ALK: variants seen among roughly 807,000 people sequenced by gnomAD.
The protein encoded by ALK is ALK tyrosine kinase receptor.
ALK carries 74 observed loss-of-function variants against 163.1 expected under a neutral mutation model. The observed-to-expected ratio is 0.45, with a 90% CI of 0.38 to 0.55. ALK has a LOEUF of 0.55. ALK is among the 20% of genes least tolerant of loss of function. The pLI is 0.00. For synonymous variants in ALK, 960 were observed against 843.2 expected (o/e 1.14, Z -2.40); for missense variants, 2,063 against 2,105.3 (o/e 0.98, Z 0.39).
At chr2:29,263,269 T>G (rs1399815006) in intron 11 of ALK, among the ~76,000 whole-genome samples, 2 of 152,208 alleles carry the variant, frequency 1.3e-5, no homozygotes, top group South Asian at 2.1e-4. Flanking sequence ...GGCCTCCTGT[T>G]GTAAGGTTCA....
chr2:29,873,759 T>C (rs1666634509), intron 1 of ALK, among the ~76,000 whole-genome samples: 1 of 150,626 alleles, frequency 6.6e-6, no homozygotes, highest in African/African-American at 2.4e-5. Context: ...CCTTCCTGAG[T>C]TCCTCTGATA....
At chr2:29,462,318 T>A (rs1671103408) in intron 4 of ALK, among the ~76,000 whole-genome samples, 2 of 152,316 alleles carry the variant, frequency 1.3e-5, no homozygotes, top group Non-Finnish European at 2.9e-5. Context: ...AGTTCTACTG[T>A]GGGTAAAACG....
At chr2:29,399,440 C>T (rs1366092100) in intron 4 of ALK, among the ~76,000 whole-genome samples, 3 of 152,214 alleles carry the variant, frequency 2.0e-5, no homozygotes, top group South Asian at 2.1e-4. Flanking sequence ...CTGATTCTTA[C>T]AGCCACCCTG....
intron 1 of ALK, among the ~76,000 whole-genome samples, chr2:29,913,105 CTGT>C (rs1056094567): frequency 6.6e-6 from 1 of 151,948 alleles, no homozygotes; most frequent in African/African-American, 2.4e-5. Context: ...CTGCATGCAC[CTGT>C]TGTTAGTCAG....
intron 3 of ALK, among the ~76,000 whole-genome samples, chr2:29,589,562 C>T (rs890987264): frequency 6.6e-6 from 1 of 152,096 alleles, no homozygotes; most frequent in East Asian, 1.9e-4. Context: ...TTTTGGGTCC[C>T]AAAATTTGCA....
intron 3 of ALK, among the ~76,000 whole-genome samples, chr2:29,679,132 T>C (rs1677984362): frequency 6.6e-6 from 1 of 151,906 alleles, no homozygotes; most frequent in Non-Finnish European, 1.5e-5. Context: ...TACTGTTTAG[T>C]ATATTTTTGT....
At chr2:29,620,569 C>T (rs562078295) in intron 3 of ALK, among the ~76,000 whole-genome samples, 1 of 152,070 alleles carries the variant, frequency 6.6e-6, no homozygotes, top group African/African-American at 2.4e-5. Context: ...GAGTCGGGGC[C>T]CTGGATTCTA....
At chr2:29,758,972 CT>C (rs768628159) in intron 1 of ALK, among the ~76,000 whole-genome samples, 15 of 151,532 alleles carry the variant, frequency 9.9e-5, no homozygotes, top group East Asian at 3.9e-4. Flanking sequence ...CTAAATCTTG[CT>C]TTTTTTTTCT....
chr2:29,502,940 A>T (rs1430236573), intron 4 of ALK, among the ~76,000 whole-genome samples: 1 of 152,166 alleles, frequency 6.6e-6, no homozygotes, highest in Admixed American at 6.5e-5. Context: ...AAAGCAAAAG[A>T]TTAATGCAAA....
At chr2:29,802,366 G>A (rs1664492025) in intron 1 of ALK, among the ~76,000 whole-genome samples, 1 of 78 alleles carries the variant, frequency 0.013, no homozygotes. Flanking sequence ...GGGCAGGGGA[G>A]GGGAGGGGAG....
At chr2:29,674,410 T>C (rs1454501961) in intron 3 of ALK, among the ~76,000 whole-genome samples, 4 of 151,568 alleles carry the variant, frequency 2.6e-5, no homozygotes, top group African/African-American at 7.3e-5. Flanking sequence ...GTCAAAGGCC[T>C]TTTCTGCATC....
chr2:29,342,178 G>A (rs1051995443), intron 5 of ALK, among the ~76,000 whole-genome samples: 1 of 152,182 alleles, frequency 6.6e-6, no homozygotes, highest in African/African-American at 2.4e-5. Flanking sequence ...AAGATATAGA[G>A]AAATTTGAAC....
intron 1 of ALK, among the ~76,000 whole-genome samples, chr2:29,877,296 T>C (rs1250689744): frequency 6.6e-6 from 1 of 152,236 alleles, no homozygotes; most frequent in East Asian, 1.9e-4. Flanking sequence ...CTCATGGCTC[T>C]GTCTCTCATG....
At chr2:29,589,739 T>C (rs1674993698) in intron 3 of ALK, among the ~76,000 whole-genome samples, 1 of 152,190 alleles carries the variant, frequency 6.6e-6, no homozygotes, top group South Asian at 2.1e-4. Context: ...ACTATCCCCA[T>C]TTTATGGATG....
intron 4 of ALK, among the ~76,000 whole-genome samples, chr2:29,500,583 C>T (rs1672146529): frequency 6.6e-6 from 1 of 151,950 alleles, no homozygotes; most frequent in Non-Finnish European, 1.5e-5. Context: ...CTGGAACCAT[C>T]CCTTTATCCT....
intron 1 of ALK, among the ~76,000 whole-genome samples, chr2:29,880,421 C>A (rs1340322489): frequency 6.6e-6 from 1 of 152,130 alleles, no homozygotes; most frequent in Non-Finnish European, 1.5e-5. Flanking sequence ...AACCTCAGGG[C>A]AGTGGTTTTA....
intron 4 of ALK, among the ~76,000 whole-genome samples, chr2:29,470,202 GAA>G (rs1168963999): frequency 6.6e-6 from 1 of 151,118 alleles, no homozygotes; most frequent in Admixed American, 6.6e-5. Flanking sequence ...ATAGGAAGAA[GAA>G]AAAAAAGACA....
At chr2:29,590,580 C>T (rs1354264003) in intron 3 of ALK, among the ~76,000 whole-genome samples, 1 of 152,126 alleles carries the variant, frequency 6.6e-6, no homozygotes, top group African/African-American at 2.4e-5. Context: ...CACCAGGCCC[C>T]AGGTAATAAC....
intron 1 of ALK, among the ~76,000 whole-genome samples, chr2:29,896,453 G>C (rs112414484): frequency 0.011 from 1,632 of 152,218 alleles, 31 homozygotes; most frequent in African/African-American, 0.036. Flanking sequence ...GTCAATAAGG[G>C]TGGGGCTCTA....
Sources: allele counts gnomAD v4.1 joint callset (sites outside exome capture counted in the v4.1 genomes callset), GRCh38; gene constraint gnomAD v4.1.1; transcripts MANE v1.5; gene names NCBI Gene and HGNC (gene_info 2026-07-23, HGNC 2026-07-21).